The following SPHKAP variants were observed in gnomAD, a reference collection of about 807,000 sequenced individuals.
SPHKAP encodes A-kinase anchor protein SPHKAP.
A neutral mutation model predicts 137.5 loss-of-function variants in SPHKAP; 67 were observed. The ratio of observed to expected loss-of-function variants is 0.49; its 90% CI spans 0.40 to 0.60. The LOEUF (loss-of-function observed/expected upper bound fraction) is 0.60, where lower values mean the gene tolerates loss of function less well. Among genes scored for constraint, SPHKAP ranks in the 20% least tolerant of loss-of-function variants. SPHKAP has a pLI of 0.00. For missense variants in SPHKAP, 2,097 were observed against 2,069.3 expected, an observed-to-expected ratio of 1.01 and a Z score of -0.26; for synonymous variants, 813 against 785.3, an observed-to-expected ratio of 1.04 and a Z score of -0.59.
intron 3 of SPHKAP, among the ~76,000 whole-genome samples, chr2:228,030,877 A>T (rs1266218030): frequency 7.9e-5 from 12 of 152,152 alleles, no homozygotes; most frequent in Admixed American, 7.9e-4. Flanking sequence ...CCAGATTTTT[A>T]TTGAAAATAT....
At position 227,995,673 on chromosome 2, in the gene SPHKAP, A is replaced by G. The variant is rs753037059; in HGVS notation, c.4470T>C (p.Asp1490=). The G allele has an allele frequency of 2.5e-6, 4 of 1,605,530 alleles. No individual in the cohort carries two copies. Among genetic ancestry groups the G allele is most frequent in the Admixed American group, 1.7e-5 (1 of 58,404 alleles). Residue 1490 remains aspartate (D), a synonymous_variant, in exon 8 of 12, where the codon GAT becomes GAC. Transcript: ENST00000392056. The part of the protein sequence containing the change: ...QIHSDSLDTR[D]VPEAEASTEA... ...CTGTGGAGGCTTCAGCCTCTGGTAC[A>G]TCTCTGGTATCAAGGCTGTCACTGT... is the stretch of plus-strand genomic sequence containing the variant.
chr2:228,033,543 G>C (rs555362597), intron 3 of SPHKAP, among the ~76,000 whole-genome samples: 335 of 152,208 alleles, frequency 2.2e-3, no homozygotes, highest in Non-Finnish European at 3.5e-3. Context: ...TAGACATCTA[G>C]AGAAGTCTCC....
chr2:228,091,221 T>C (rs1226212368), intron 3 of SPHKAP, among the ~76,000 whole-genome samples: 1 of 152,072 alleles, frequency 6.6e-6, no homozygotes, highest in Non-Finnish European at 1.5e-5. Context: ...GTGACTATAC[T>C]AATATCAAAC....
At chr2:228,175,851 A>G (rs1231434087) in intron 1 of SPHKAP, among the ~76,000 whole-genome samples, 1 of 152,208 alleles carries the variant, frequency 6.6e-6, no homozygotes, top group African/African-American at 2.4e-5. Flanking sequence ...AAAGGAAGAC[A>G]GGATATCTAT....
At chr2:228,162,813 C>A (rs1022695075) in intron 1 of SPHKAP, among the ~76,000 whole-genome samples, 2 of 152,298 alleles carry the variant, frequency 1.3e-5, no homozygotes, top group Non-Finnish European at 2.9e-5. Context: ...ATTCTCCTGC[C>A]TCAGCCTCCC....
intron 3 of SPHKAP, among the ~76,000 whole-genome samples, chr2:228,072,293 T>C (rs1042280882): frequency 8.5e-5 from 13 of 152,218 alleles, no homozygotes; most frequent in African/African-American, 3.1e-4. Flanking sequence ...ATTCATTGAA[T>C]AAGCAGTTAT....
At chr2:228,056,862 G>T (rs1696465988) in intron 3 of SPHKAP, among the ~76,000 whole-genome samples, 2 of 152,132 alleles carry the variant, frequency 1.3e-5, no homozygotes, top group Admixed American at 1.3e-4. Flanking sequence ...AAGTGGGTTG[G>T]CCTACCAGTG....
At chr2:228,150,025 T>C (rs1699884769) in intron 1 of SPHKAP, among the ~76,000 whole-genome samples, 1 of 152,226 alleles carries the variant, frequency 6.6e-6, no homozygotes, top group African/African-American at 2.4e-5. Flanking sequence ...TTATGCTTGC[T>C]ACAGGTTTCT....
At chr2:228,174,106 A>C (rs1387198886) in intron 1 of SPHKAP, among the ~76,000 whole-genome samples, 1 of 152,162 alleles carries the variant, frequency 6.6e-6, no homozygotes, top group East Asian at 1.9e-4. Context: ...TCTAATTCAC[A>C]TGCTAAACTT....
At chr2:228,037,828 C>T (rs1276182799) in intron 3 of SPHKAP, among the ~76,000 whole-genome samples, 1 of 152,220 alleles carries the variant, frequency 6.6e-6, no homozygotes, top group Non-Finnish European at 1.5e-5. Context: ...ACATTAACAG[C>T]CCTGAAACCT....
intron 1 of SPHKAP, among the ~76,000 whole-genome samples, chr2:228,179,849 T>C (rs944958456): frequency 3.9e-5 from 6 of 152,182 alleles, no homozygotes; most frequent in Admixed American, 6.5e-5. Flanking sequence ...TGAATAGAAA[T>C]ATAATCAGGA....
At chr2:228,160,686 A>G (rs761421833) in intron 1 of SPHKAP, among the ~76,000 whole-genome samples, 12 of 152,228 alleles carry the variant, frequency 7.9e-5, no homozygotes, top group Non-Finnish European at 1.5e-4. Context: ...CAGCTAAATC[A>G]TATCACCAAT....
Position 228,167,690 on chromosome 2 carries a change from G to A in SPHKAP, c.32+13877C>T, listed in dbSNP as rs146222515. On this transcript the variant is annotated intron_variant, in intron 1 of 11. Coordinates refer to ENST00000392056, the MANE Select transcript of SPHKAP (RefSeq NM_001142644.2). Reference sequence around the variant, plus strand: ...TAAGTGGGTAAGTCTATTCGTATACGCAGTCTACCAAAAGTAATTTACTGA... The same window carrying A: ...TAAGTGGGTAAGTCTATTCGTATACACAGTCTACCAAAAGTAATTTACTGA... Among the ~76,000 whole-genome samples, 565 of 152,156 alleles carry A rather than the reference G, an allele frequency of 3.7e-3. 7 individuals are homozygous for A. The highest frequency in any genetic ancestry group is 8.5e-3 in the East Asian group (44 of 5,182).
intron 1 of SPHKAP, among the ~76,000 whole-genome samples, chr2:228,179,989 A>T (rs1234768820): frequency 6.6e-6 from 1 of 152,228 alleles, no homozygotes; most frequent in Non-Finnish European, 1.5e-5. Context: ...TGCCCTAGAC[A>T]GTAGAATAGA....
intron 3 of SPHKAP, among the ~76,000 whole-genome samples, chr2:228,045,163 G>A (rs1695991570): frequency 6.6e-6 from 1 of 151,408 alleles, no homozygotes; most frequent in Admixed American, 6.6e-5. Flanking sequence ...CTGTAAACTA[G>A]TTCAACCATT....
intron 7 of SPHKAP, among the ~76,000 whole-genome samples, chr2:227,998,126 C>T (rs1198277933): frequency 2.0e-5 from 3 of 152,180 alleles, no homozygotes; most frequent in African/African-American, 7.2e-5. Flanking sequence ...CCTGCCTCGG[C>T]CTCCCAAGTA....
At chr2:228,166,810 A>C (rs1362185771) in intron 1 of SPHKAP, among the ~76,000 whole-genome samples, 4 of 152,340 alleles carry the variant, frequency 2.6e-5, no homozygotes, top group South Asian at 4.1e-4. Context: ...TTATAAAGAA[A>C]GCAGGTTTAA....
intron 8 of SPHKAP, among the ~76,000 whole-genome samples, chr2:227,995,125 C>T (rs1012487563): frequency 2.6e-5 from 4 of 152,200 alleles, no homozygotes; most frequent in African/African-American, 9.7e-5. Flanking sequence ...TGTGGAAACA[C>T]TTGCCTCGTG....
intron 3 of SPHKAP, among the ~76,000 whole-genome samples, chr2:228,050,582 A>G (rs906413431): frequency 6.6e-6 from 1 of 152,194 alleles, no homozygotes; most frequent in Non-Finnish European, 1.5e-5. Flanking sequence ...ACATAATTAA[A>G]TCAAAGTAAC....
Sources: gnomAD v4.1 joint callset for allele counts (sites outside exome capture counted in the v4.1 genomes callset) on GRCh38, gnomAD v4.1.1 for gene constraint, MANE v1.5 for transcripts, NCBI Gene and HGNC (gene_info 2026-07-23, HGNC 2026-07-21) for gene names.